The following GNA15 variants were observed in gnomAD, a reference collection of about 807,000 sequenced individuals.
GNA15 encodes the protein G protein subunit alpha 15.
GNA15 carries 23 observed loss-of-function variants against 40.1 expected under a neutral mutation model. That is an observed-to-expected ratio of 0.57 (90% CI 0.41 to 0.81). GNA15 has a LOEUF of 0.81. Among genes scored for constraint, GNA15 ranks in the 40% least tolerant of loss-of-function variants. The probability of loss-of-function intolerance (pLI) is 0.00; values close to 1 mark genes in which losing one functional copy is unlikely to be tolerated. For missense variants in GNA15, 522 were observed against 515.8 expected, an observed-to-expected ratio of 1.01 and a Z score of -0.12; for synonymous variants, 226 against 210.4, an observed-to-expected ratio of 1.07 and a Z score of -0.64.
In GNA15 at chr19:3,148,491, G is replaced by A. The variant is rs553842727; in HGVS notation, c.146-100G>A. 11 of 1,214,090 alleles carry A rather than the reference G, an allele frequency of 9.1e-6. No homozygotes were observed. In the East Asian group the frequency reaches 1.8e-4, roughly 20 times the overall value. The allele number at this position is 1,214,090 out of a possible 1,614,324, so 75.2% of individuals were successfully genotyped here. A position where few individuals can be genotyped will look rare whatever the true frequency, so the allele number is the denominator to read the frequency against. On this transcript the variant is annotated intron_variant, in intron 1 of 6. Transcript: ENST00000262958. Reference sequence around the variant, plus strand: ...CCGGCTGCACCGGGGTTTGAACCCAGGAGGCCTGGCGTGGAGTTGGGGGTG... The same window carrying A: ...CCGGCTGCACCGGGGTTTGAACCCAAGAGGCCTGGCGTGGAGTTGGGGGTG...
At chr19:3,137,136 T>C (rs1914477212) in intron 1 of GNA15, among the ~76,000 whole-genome samples, 1 of 152,340 alleles carries the variant, frequency 6.6e-6, no homozygotes, top group South Asian at 2.1e-4. Flanking sequence ...TTAAGATTTA[T>C]TGGGTAGCTC....
intron 1 of GNA15, among the ~76,000 whole-genome samples, chr19:3,147,560 A>G (rs60281929): frequency 2.1e-5 from 2 of 93,710 alleles, no homozygotes; most frequent in Admixed American, 1.2e-4. Context: ...AAAAAAAGAA[A>G]AAAAGAAAAA....
chr19:3,137,067 G>A (rs973033499), intron 1 of GNA15, among the ~76,000 whole-genome samples: 1 of 152,212 alleles, frequency 6.6e-6, no homozygotes, highest in African/African-American at 2.4e-5. Context: ...GGGCTCCTTT[G>A]GGGGCTAGAA....
chr19:3,148,430 G>C (rs923870401), intron 1 of GNA15, among the ~76,000 whole-genome samples, 161 bp from the exon 2 acceptor site: 1 of 152,022 alleles, frequency 6.6e-6, no homozygotes, highest in Non-Finnish European at 1.5e-5. Flanking sequence ...GGCACAGAGC[G>C]GCAAAGCCGC....
chr19:3,159,882 G>A (rs985572362), intron 6 of GNA15, among the ~76,000 whole-genome samples: 17 of 152,194 alleles, frequency 1.1e-4, no homozygotes, highest in African/African-American at 4.1e-4. Flanking sequence ...ACCATCTAGT[G>A]TTGGGCACCA....
chr19:3,159,575 C>G (rs1211747854), intron 6 of GNA15, among the ~76,000 whole-genome samples: 1 of 151,362 alleles, frequency 6.6e-6, no homozygotes, highest in Non-Finnish European at 1.5e-5. Context: ...GAACTCCCGA[C>G]CTCAGGTGAT....
At chr19:3,147,099 C>T (rs1914742253) in intron 1 of GNA15, among the ~76,000 whole-genome samples, 1 of 152,156 alleles carries the variant, frequency 6.6e-6, no homozygotes, top group African/African-American at 2.4e-5. Context: ...CTTGACTGCT[C>T]ACAAATCACT....
At chr19:3,145,611 ACG>A (rs1914702652) in intron 1 of GNA15, among the ~76,000 whole-genome samples, 1 of 45,994 alleles carries the variant, frequency 2.2e-5, no homozygotes, top group Non-Finnish European at 4.6e-5. Flanking sequence ...GTGTAGTGGC[ACG>A]ATCTCAGCTC....
At chr19:3,142,037 A>AG (rs1425342507) in intron 1 of GNA15, 1 of 152,650 alleles carries the variant, frequency 6.6e-6, no homozygotes, top group African/African-American at 2.4e-5. Flanking sequence ...GTTTCCTGTG[A>AG]GGGCCTGGTG....
At chr19:3,140,807 A>G (rs1168270054) in intron 1 of GNA15, among the ~76,000 whole-genome samples, 2 of 152,170 alleles carry the variant, frequency 1.3e-5, no homozygotes, top group African/African-American at 4.8e-5. Flanking sequence ...ACACTGTATC[A>G]TATCTTCCTG....
intron 4 of GNA15, among the ~76,000 whole-genome samples, chr19:3,153,944 G>A (rs947727100): frequency 5.9e-5 from 9 of 151,426 alleles, no homozygotes; most frequent in Admixed American, 5.9e-4. Flanking sequence ...TGGATAGATG[G>A]GTAGATGGAT....
intron 1 of GNA15, among the ~76,000 whole-genome samples, chr19:3,145,359 A>ATATATATATATATATATATATATTTTTTT: frequency 4.3e-5 from 2 of 46,972 alleles, no homozygotes; most frequent in African/African-American, 1.8e-4. Flanking sequence ...ATATATATAT[A>ATATATATATATATATATATATATTTTTTT]TTTTTTTTTT....
chr19:3,160,648 G>A lies in GNA15; in HGVS notation c.899-2145G>A, dbSNP rs562330539. Among the ~76,000 whole-genome samples the A allele has an allele frequency of 1.4e-3, 209 of 152,258 alleles. 2 individuals are homozygous for A. The highest frequency in any genetic ancestry group is 4.8e-3 in the African/African-American group (199 of 41,566). On this transcript the variant is annotated intron_variant, in intron 6 of 6. Coordinates refer to ENST00000262958, the MANE Select transcript of GNA15 (RefSeq NM_002068.4). ...CTTGCCTTCATGTCCTGGGGATGCC[G>A]TAACAAAGTACCACAAACTGGGTGG...
chr19:3,136,324 G>C lies in GNA15; in HGVS notation c.-127G>C, dbSNP rs1914457210. 6 of 951,096 alleles carry C rather than the reference G, an allele frequency of 6.3e-6. No individual in the cohort carries two copies. In the East Asian group the frequency reaches 1.6e-4, roughly 26 times the overall value. The allele number at this position is 951,096 out of a possible 1,614,324, so 58.9% of individuals were successfully genotyped here. On this transcript the variant is annotated 5_prime_UTR_variant, in exon 1 of 7. Transcript: ENST00000262958. This position sits in a 1 kb window ranked among gnomAD's most constrained non-coding sequence, Gnocchi z 4.9. The stretch of plus-strand genomic sequence containing the variant: ...AGGTCCCTGGGGGGTGACCCCCAAG[G>C]AAAAGGCAGCCTCCCTGCGCACCCG...
At chr19:3,162,758 A>T (rs904147678) in intron 6 of GNA15, 35 bp from the exon 7 acceptor site, 19 of 1,465,920 alleles carry the variant, frequency 1.3e-5, no homozygotes, top group Non-Finnish European at 1.8e-5. Context: ...CCAAAGAGGG[A>T]GGGTCCTCAC....
Position 3,157,745 on chromosome 19 carries a change from C to T in GNA15, c.762C>T (p.Ser254=), listed in dbSNP as rs199709383. 36 of 1,614,020 alleles carry T rather than the reference C, an allele frequency of 2.2e-5. No individual in the cohort carries two copies. The highest frequency in any genetic ancestry group is 2.9e-5 in the Non-Finnish European group (34 of 1,179,886). Residue 254 remains serine (S), a synonymous_variant, in exon 6 of 7, where the codon AGC becomes AGT. Coordinates refer to ENST00000262958, the MANE Select transcript of GNA15 (RefSeq NM_002068.4). ...CAACACAGAACCGCATGAAGGAGAG[C>T]CTCGCATTGTTTGGGACTATCCTGG... ...ENNQENRMKE[S]LALFGTILEL... is the part of the protein sequence containing the mutation.
At position 3,163,312 on chromosome 19, in the gene GNA15, G is replaced by C; in HGVS notation, c.*293G>C. ...AAAGGTGAAGAAATCAGGGGATTGA[G>C]GACTTGGGTGGGTGGGCATCTCTCA... On this transcript the variant is annotated 3_prime_UTR_variant, in exon 7 of 7. Coordinates refer to ENST00000262958, the MANE Select transcript of GNA15 (RefSeq NM_002068.4). 1 of 446,268 alleles carries C rather than the reference G, an allele frequency of 2.2e-6. No homozygotes were observed. Among genetic ancestry groups the C allele is most frequent in the Non-Finnish European group, 4.1e-6 (1 of 241,744 alleles). 27.6% of individuals were successfully genotyped at this position (446,268 alleles called of 1,614,324 possible). A position where few individuals can be genotyped will look rare whatever the true frequency, so the allele number is the denominator to read the frequency against.
chr19:3,139,598 C>CA (rs35737557), intron 1 of GNA15, among the ~76,000 whole-genome samples: 9,665 of 105,198 alleles, frequency 0.092, 417 homozygotes, highest in East Asian at 0.18. Context: ...GACTCTGTCT[C>CA]AAAAAAAAAA....
At chr19:3,144,813 C>G (rs1041145181) in intron 1 of GNA15, among the ~76,000 whole-genome samples, 9 of 149,592 alleles carry the variant, frequency 6.0e-5, no homozygotes, top group Non-Finnish European at 8.9e-5. Context: ...CAGGCGTGAG[C>G]CACCGGGCCC....
Sources: allele counts gnomAD v4.1 joint callset (sites outside exome capture counted in the v4.1 genomes callset), GRCh38; gene constraint gnomAD v4.1.1; non-coding constraint Gnocchi (gnomAD v3.1); transcripts MANE v1.5; gene names NCBI Gene and HGNC (gene_info 2026-07-23, HGNC 2026-07-21).